Variants in PLPPR1 observed in about 807,000 individuals in gnomAD.
The protein encoded by PLPPR1 is phospholipid phosphatase-related protein type 1.
A neutral mutation model predicts 33.1 loss-of-function variants in PLPPR1; 10 were observed. That is an observed-to-expected ratio of 0.30 (90% CI 0.19 to 0.51). The LOEUF is 0.51. PLPPR1 is among the 20% of genes least tolerant of loss of function. The pLI is 0.97. For missense variants in PLPPR1, 304 were observed against 408.1 expected (o/e 0.74, Z 2.20); for synonymous variants, 151 against 151.0 (o/e 1.00, Z 0.00).
intron 2 of PLPPR1, among the ~76,000 whole-genome samples, chr9:101,190,814 G>A (rs751385283): frequency 6.6e-6 from 1 of 152,154 alleles, no homozygotes; most frequent in South Asian, 2.1e-4. Flanking sequence ...ACTGGAGAGA[G>A]AACAAAGTTT....
At chr9:101,323,938 A>C (rs1829203541) in intron 7 of PLPPR1, 87 bp from the exon 8 acceptor site, 2 of 1,170,376 alleles carry the variant, frequency 1.7e-6, no homozygotes, top group South Asian at 2.6e-5. Context: ...TTGAGGAGAC[A>C]AAACAAGGGA....
At chr9:101,231,022 T>C (rs1386037547) in intron 2 of PLPPR1, among the ~76,000 whole-genome samples, 1 of 152,018 alleles carries the variant, frequency 6.6e-6, no homozygotes, top group Non-Finnish European at 1.5e-5. Flanking sequence ...TCCTCATGCA[T>C]TGATATTTGT....
chr9:101,310,178 T>C (rs977696433), intron 5 of PLPPR1, among the ~76,000 whole-genome samples: 2 of 152,206 alleles, frequency 1.3e-5, no homozygotes, highest in African/African-American at 2.4e-5. Flanking sequence ...ACTTTTTAAC[T>C]GTATTCATTT....
chr9:101,256,629 T>A (rs1827808203), intron 2 of PLPPR1, among the ~76,000 whole-genome samples: 1 of 152,162 alleles, frequency 6.6e-6, no homozygotes, highest in Non-Finnish European at 1.5e-5. Flanking sequence ...GTTTGCCACA[T>A]TCTTTCATTC....
intron 2 of PLPPR1, chr9:101,269,679 C>T (rs1828057955): frequency 1.7e-6 from 1 of 601,782 alleles, no homozygotes; most frequent in Admixed American, 2.8e-5. Context: ...TCATTATTTG[C>T]TGGAAGGTTT....
intron 1 of PLPPR1, among the ~76,000 whole-genome samples, chr9:101,036,238 A>C (rs1333317161): frequency 1.3e-5 from 2 of 152,144 alleles, no homozygotes; most frequent in African/African-American, 2.4e-5. Flanking sequence ...CTGGTGTAAA[A>C]ATGCAGGAAC....
At chr9:101,107,233 T>TA (rs1360250432) in intron 1 of PLPPR1, among the ~76,000 whole-genome samples, 1 of 95,594 alleles carries the variant, frequency 1.0e-5, no homozygotes, top group African/African-American at 5.0e-5. Context: ...CTCTGCATTT[T>TA]AGAGTTTCCA....
chr9:101,293,016 G>C (rs1243477335), intron 4 of PLPPR1, among the ~76,000 whole-genome samples: 1 of 152,014 alleles, frequency 6.6e-6, no homozygotes, highest in African/African-American at 2.4e-5. Flanking sequence ...TGGCAAATTG[G>C]ATAGAGTCAA....
At chr9:101,061,962 A>T (rs1282043722) in intron 1 of PLPPR1, among the ~76,000 whole-genome samples, 1 of 152,042 alleles carries the variant, frequency 6.6e-6, no homozygotes, top group Admixed American at 6.6e-5. Flanking sequence ...AAGAATTATC[A>T]TGCTATTTGG....
At chr9:101,041,361 A>G (rs951340186) in intron 1 of PLPPR1, among the ~76,000 whole-genome samples, 1 of 152,212 alleles carries the variant, frequency 6.6e-6, no homozygotes, top group Admixed American at 6.5e-5. Flanking sequence ...TCCATTTTAT[A>G]TTAATATAAA....
At position 101,134,869 on chromosome 9, in the gene PLPPR1, C is replaced by T. The variant is rs138773583; in HGVS notation, c.-45-50581C>T. Among the ~76,000 whole-genome samples, 299 of 152,204 alleles carry T rather than the reference C, an allele frequency of 2.0e-3. 1 individual carries two copies. Among genetic ancestry groups the T allele is most frequent in the Middle Eastern group, 3.4e-3 (1 of 294 alleles). The stretch of plus-strand genomic sequence containing the variant: ...GATGAATGATAAACCTTGGGAGAAT[C>T]AGAGGATATCTGTGGGCAAATAGTG... On this transcript the variant is annotated intron_variant, in intron 1 of 7. Coordinates refer to ENST00000374874, the MANE Select transcript of PLPPR1 (RefSeq NM_207299.2).
At chr9:101,292,829 A>T (rs973865477) in intron 4 of PLPPR1, among the ~76,000 whole-genome samples, 1 of 151,064 alleles carries the variant, frequency 6.6e-6, no homozygotes, top group African/African-American at 2.5e-5. Flanking sequence ...AGGAACAACC[A>T]GTACCAGCCA....
Position 101,224,493 on chromosome 9 carries a change from G to A in PLPPR1, c.63+38936G>A, listed in dbSNP as rs568609299. On this transcript the variant is annotated intron_variant, in intron 2 of 7. Transcript: ENST00000374874. ...GAGTGTTTTATTCCTTCCTTATAAAGTGGGCATCGTGGTGACGGTTTCACT... is the reference window on the plus strand; with the variant it reads ...GAGTGTTTTATTCCTTCCTTATAAAATGGGCATCGTGGTGACGGTTTCACT... 3.9e-5 allele frequency among the ~76,000 whole-genome samples: 6 copies of A among 152,218 alleles called. No individual in the cohort carries two copies. In the South Asian group the frequency reaches 1.0e-3, roughly 26 times the overall value.
At chr9:101,061,988 T>C (rs1830353299) in intron 1 of PLPPR1, among the ~76,000 whole-genome samples, 1 of 152,026 alleles carries the variant, frequency 6.6e-6, no homozygotes, top group Non-Finnish European at 1.5e-5. Context: ...CTTTGATTAC[T>C]TGTGAACAGC....
At chr9:101,231,889 A>G (rs1221653269) in intron 2 of PLPPR1, among the ~76,000 whole-genome samples, 1 of 152,042 alleles carries the variant, frequency 6.6e-6, no homozygotes, top group Non-Finnish European at 1.5e-5. Flanking sequence ...AATTTCTCTC[A>G]TTATCTTCCT....
intron 5 of PLPPR1, among the ~76,000 whole-genome samples, chr9:101,312,057 C>A (rs13440426): frequency 0.17 from 26,199 of 152,178 alleles, 3,118 homozygotes; most frequent in African/African-American, 0.34. Context: ...GGTGTCATAA[C>A]GTGTATCATC....
intron 2 of PLPPR1, among the ~76,000 whole-genome samples, chr9:101,261,915 A>G (rs1704468510): frequency 6.6e-6 from 1 of 151,906 alleles, no homozygotes; most frequent in African/African-American, 2.4e-5. Flanking sequence ...TGTACAACAA[A>G]CCCCCATGAC....
In PLPPR1 at chr9:101,251,884, T is replaced by C. The variant is rs193212732; in HGVS notation, c.64-17996T>C. ...TGTATATTGTGATTCTAATTTTACA[T>C]ATTTTTAAATCTACCTATGATTGAG... On this transcript the variant is annotated intron_variant, in intron 2 of 7. Transcript: ENST00000374874. Among the ~76,000 whole-genome samples, 507 of 152,266 alleles carry C rather than the reference T, an allele frequency of 3.3e-3. 15 individuals are homozygous for C. Among genetic ancestry groups the C allele is most frequent in the Admixed American group, 0.031 (472 of 15,278 alleles).
intron 6 of PLPPR1, 130 bp from the exon 7 acceptor site, chr9:101,317,235 T>C (rs955057194): frequency 1.8e-5 from 17 of 952,988 alleles, no homozygotes; most frequent in Middle Eastern, 3.4e-4. Flanking sequence ...CCATAGTCCC[T>C]TTCCCCTCTC....
Sources: allele counts gnomAD v4.1 joint callset (sites outside exome capture counted in the v4.1 genomes callset), GRCh38; gene constraint gnomAD v4.1.1; transcripts MANE v1.5; gene names NCBI Gene and HGNC (gene_info 2026-07-23, HGNC 2026-07-21).